SH3TC2: variants seen among roughly 807,000 people sequenced by gnomAD.
SH3TC2 encodes SH3 domain and tetratricopeptide repeats 2, also known as SH3 domain and tetratricopeptide repeat-containing protein 2.
A neutral mutation model predicts 124.5 loss-of-function variants in SH3TC2; 87 were observed. That is an observed-to-expected ratio of 0.70 (90% CI 0.59 to 0.84). The LOEUF is 0.84. SH3TC2 is among the 40% of genes least tolerant of loss of function. SH3TC2 has a pLI of 0.00. For missense variants in SH3TC2, 1,536 were observed against 1,566.4 expected, an observed-to-expected ratio of 0.98 and a Z score of 0.33; for synonymous variants, 634 against 628.5, an observed-to-expected ratio of 1.01 and a Z score of -0.13.
chr5:149,030,042 G>A (rs575266092), intron 9 of SH3TC2, among the ~76,000 whole-genome samples: 1 of 152,176 alleles, frequency 6.6e-6, no homozygotes, highest in South Asian at 2.1e-4. Context: ...GTAACCCCCA[G>A]AGGGTAGAAA....
At chr5:149,018,082 A>C (rs955214971) in intron 12 of SH3TC2, among the ~76,000 whole-genome samples, 1 of 152,206 alleles carries the variant, frequency 6.6e-6, no homozygotes, top group African/African-American at 2.4e-5. Context: ...CACTGTTTGG[A>C]TATCAATCCC....
At chr5:149,061,522 T>C (rs1754747336) in intron 1 of SH3TC2, among the ~76,000 whole-genome samples, 1 of 152,214 alleles carries the variant, frequency 6.6e-6, no homozygotes, top group Admixed American at 6.5e-5. Flanking sequence ...ATTTCACATG[T>C]AGACTTAATC....
chr5:149,027,195 A>G lies in SH3TC2; in HGVS notation c.2537T>C (p.Leu846Pro). 1 of 1,614,194 alleles carries G rather than the reference A, an allele frequency of 6.2e-7. No homozygotes were observed. Among genetic ancestry groups the G allele is most frequent in the South Asian group, 1.1e-5 (1 of 91,090 alleles). ...GVIYNLLGLA[L>P]QGEGRVNRAA... ...CCTGTTCACCCGGCCTTCACCTTGG[A>G]GTGCAAGTCCCAGGAGGTTATAGAT... Residue 846 changes from leucine to proline, a missense_variant, in exon 11 of 17, where the codon CTC (leucine) becomes CCC (proline). By Grantham distance (98) the Leu-to-Pro change is moderately conservative. Transcript: ENST00000515425.
intron 8 of SH3TC2, among the ~76,000 whole-genome samples, chr5:149,033,506 C>G (rs1754233365): frequency 1.3e-5 from 2 of 152,030 alleles, no homozygotes; most frequent in African/African-American, 4.8e-5. Context: ...AGCAGATGGC[C>G]CAGAGCTCCT....
chr5:149,021,087 T>C (rs1313862373), intron 12 of SH3TC2, among the ~76,000 whole-genome samples: 1 of 152,040 alleles, frequency 6.6e-6, no homozygotes, highest in Non-Finnish European at 1.5e-5. Context: ...GCAAAGTTTG[T>C]TTTCCCACCA....
intron 6 of SH3TC2, among the ~76,000 whole-genome samples, chr5:149,041,067 G>A (rs896222887): frequency 2.7e-4 from 41 of 152,258 alleles, no homozygotes; most frequent in African/African-American, 9.1e-4. Context: ...CTCCTAGGAA[G>A]TTTATTTAAA....
intron 1 of SH3TC2, among the ~76,000 whole-genome samples, chr5:149,057,074 T>A (rs1168543194): frequency 2.0e-5 from 3 of 152,178 alleles, no homozygotes; most frequent in African/African-American, 7.2e-5. Flanking sequence ...GAAATATTAA[T>A]TTTTTGAAAA....
At chr5:149,031,166 T>C (rs1163367359) in intron 9 of SH3TC2, among the ~76,000 whole-genome samples, 1 of 152,142 alleles carries the variant, frequency 6.6e-6, no homozygotes, top group African/African-American at 2.4e-5. Flanking sequence ...AGAAATCATC[T>C]CTTAAGGCCT....
At chr5:149,052,961 C>T (rs1177275948) in intron 1 of SH3TC2, among the ~76,000 whole-genome samples, 1 of 152,154 alleles carries the variant, frequency 6.6e-6, no homozygotes, top group Non-Finnish European at 1.5e-5. Context: ...ATGGCATCCC[C>T]AAAACACAAC....
At chr5:149,010,849 T>C (rs1025326409) in intron 13 of SH3TC2, among the ~76,000 whole-genome samples, 1 of 152,188 alleles carries the variant, frequency 6.6e-6, no homozygotes, top group African/African-American at 2.4e-5. Context: ...GAATTTAATA[T>C]GTAAATAACT....
intron 3 of SH3TC2, 190 bp from the exon 4 acceptor site, chr5:149,044,828 G>C (rs185892838): frequency 3.5e-6 from 2 of 568,334 alleles, no homozygotes; most frequent in African/African-American, 3.8e-5. Flanking sequence ...TATCCATAAA[G>C]TGAAATATTG....
rs769752563 is a variant in SH3TC2 at position 149,026,875 on chromosome 5, G to A, written c.2857C>T (p.His953Tyr). 1 of 1,614,152 alleles carries A rather than the reference G, an allele frequency of 6.2e-7. No homozygotes were observed. The highest frequency in any genetic ancestry group is 1.1e-5 in the South Asian group (1 of 91,078). Residue 953 changes from histidine (H) to tyrosine (Y), a missense_variant, in exon 11 of 17, where the codon CAT (histidine) becomes TAT (tyrosine). Transcript: ENST00000515425. The part of the protein sequence containing the change: ...YEMALLFGLR[H>Y]RHLKSQLQAT... ...ACATACTTACTCTTTAGATGTCGAT[G>A]CCTTAAGCCAAACAGCAATGCCATT...
rs939027930 is a variant in SH3TC2 at position 148,989,406 on chromosome 5, C to A, written c.*15305G>T. 2.6e-5 allele frequency among the ~76,000 whole-genome samples: 4 copies of A among 152,202 alleles called. No individual in the cohort carries two copies. Among genetic ancestry groups the A allele is most frequent in the African/African-American group, 9.6e-5 (4 of 41,454 alleles). On this transcript the variant is annotated 3_prime_UTR_variant, in exon 17 of 17. Transcript: ENST00000515425. ...TAAGCACTTTGAGACAAGATTTGAA[C>A]CTAGGTCTACCTTAACCAGCATAAA...
chr5:149,009,541 C>A (rs958468706), intron 14 of SH3TC2, among the ~76,000 whole-genome samples: 2 of 152,162 alleles, frequency 1.3e-5, no homozygotes, highest in Non-Finnish European at 2.9e-5. Context: ...TAGCTCAGTG[C>A]CTGGCACAGA....
At chr5:149,010,137 G>A (rs1753759143) in intron 14 of SH3TC2, 133 bp downstream of exon 14, 2 of 1,213,444 alleles carry the variant, frequency 1.6e-6, no homozygotes, top group East Asian at 2.4e-5. Context: ...GAGTAGGTGG[G>A]CACTGGACAA....
chr5:149,011,635 T>G (rs1215702316), intron 13 of SH3TC2, among the ~76,000 whole-genome samples: 1 of 152,210 alleles, frequency 6.6e-6, no homozygotes, highest in South Asian at 2.1e-4. Context: ...AACTACGTCA[T>G]GCAAGTGAAG....
At chr5:149,046,713 G>A (rs1399754510) in intron 3 of SH3TC2, 1 of 152,126 alleles carries the variant, frequency 6.6e-6, no homozygotes, top group Non-Finnish European at 1.5e-5. Flanking sequence ...CAGCCCAGCA[G>A]ACCAGCTCTC....
At chr5:149,034,570 C>A in intron 8 of SH3TC2, 1 of 345,024 alleles carries the variant, frequency 2.9e-6, no homozygotes, top group Admixed American at 3.2e-5. Context: ...ATGTCCATTT[C>A]TTTATGCTTA....
At chr5:149,018,051 G>A (rs1753904464) in intron 12 of SH3TC2, among the ~76,000 whole-genome samples, 1 of 152,188 alleles carries the variant, frequency 6.6e-6, no homozygotes, top group Non-Finnish European at 1.5e-5. Flanking sequence ...TGAAAAGCTT[G>A]CTAACCCTGC....
Sources: gnomAD v4.1 joint callset for allele counts (sites outside exome capture counted in the v4.1 genomes callset) on GRCh38, gnomAD v4.1.1 for gene constraint, MANE v1.5 for transcripts, NCBI Gene and HGNC (gene_info 2026-07-23, HGNC 2026-07-21) for gene names.